The following CHIA variants were observed in gnomAD, a reference collection of about 807,000 sequenced individuals.
CHIA encodes acidic mammalian chitinase.
In CHIA, 47 loss-of-function variants were observed where a neutral mutation model predicts 53.5. The ratio of observed to expected loss-of-function variants is 0.88; its 90% CI spans 0.70 to 1.12. The LOEUF is 1.12. Among genes scored for constraint, CHIA ranks in the 50% most tolerant of loss-of-function variants. The pLI is 0.00. For synonymous variants in CHIA, 268 were observed against 222.2 expected, an observed-to-expected ratio of 1.21 and a Z score of -1.83; for missense variants, 652 against 592.2, an observed-to-expected ratio of 1.10 and a Z score of -1.05.
intron 5 of CHIA, chr1:111,314,999 G>T: frequency 4.6e-6 from 2 of 435,998 alleles, no homozygotes; most frequent in East Asian, 4.0e-5. Context: ...AGGGAACACA[G>T]TGTGCTGGGT....
At chr1:111,292,747 C>T (rs534331445) in intron 1 of CHIA, among the ~76,000 whole-genome samples, 1 of 152,192 alleles carries the variant, frequency 6.6e-6, no homozygotes, top group Admixed American at 6.5e-5. Flanking sequence ...GTCCCCATTT[C>T]CCCCTCCCCC....
chr1:111,305,798 T>C (rs1052423704), intron 1 of CHIA, among the ~76,000 whole-genome samples: 1 of 152,156 alleles, frequency 6.6e-6, no homozygotes, highest in African/African-American at 2.4e-5. Flanking sequence ...CTAAGCATAT[T>C]GGAAAAGAAG....
intron 1 of CHIA, among the ~76,000 whole-genome samples, chr1:111,309,053 G>A (rs1648454399): frequency 6.6e-6 from 1 of 152,132 alleles, no homozygotes; most frequent in South Asian, 2.1e-4. Context: ...AAAGCATCAG[G>A]AAAAATAGCT....
chr1:111,298,206 A>T (rs1647368058), intron 1 of CHIA, among the ~76,000 whole-genome samples: 1 of 152,222 alleles, frequency 6.6e-6, no homozygotes, highest in East Asian at 1.9e-4. Flanking sequence ...GTTAACAAGG[A>T]TATCCAGGAC....
At chr1:111,299,403 C>T (rs1351777130) in intron 1 of CHIA, among the ~76,000 whole-genome samples, 2 of 152,212 alleles carry the variant, frequency 1.3e-5, no homozygotes, top group Non-Finnish European at 2.9e-5. Context: ...ATCAAGTTGG[C>T]TTCATCCCTG....
At chr1:111,295,617 AGG>A (rs1661289206) in intron 1 of CHIA, among the ~76,000 whole-genome samples, 2 of 123,600 alleles carry the variant, frequency 1.6e-5, no homozygotes, top group Admixed American at 1.7e-4. Context: ...TTTTCAGCTG[AGG>A]TACCGGGTTC....
chr1:111,315,669 T>A (rs2786155), intron 6 of CHIA: 1 of 569,870 alleles, frequency 1.8e-6, no homozygotes, highest in Non-Finnish European at 3.2e-6. Context: ...GAACCATAAC[T>A]CATTTCATCT....
At chr1:111,314,987 G>T in intron 5 of CHIA, 1 of 428,922 alleles carries the variant, frequency 2.3e-6, no homozygotes, top group Admixed American at 3.9e-5. Context: ...ACATGTTTGG[G>T]GAGGGAACAC....
intron 2 of CHIA, among the ~76,000 whole-genome samples, chr1:111,310,787 T>C (rs1648602345): frequency 1.3e-5 from 2 of 152,228 alleles, no homozygotes; most frequent in South Asian, 4.1e-4. Context: ...TGTTCAGCCA[T>C]TCATTTTTCT....
chr1:111,293,175 G>T (rs887322619), intron 1 of CHIA, among the ~76,000 whole-genome samples: 1 of 152,098 alleles, frequency 6.6e-6, no homozygotes, highest in South Asian at 2.1e-4. Context: ...TTCCATAGCA[G>T]CTGTACCGTT....
At chr1:111,302,509 CTAT>C (rs1322191716) in intron 1 of CHIA, among the ~76,000 whole-genome samples, 1 of 152,104 alleles carries the variant, frequency 6.6e-6, no homozygotes, top group Non-Finnish European at 1.5e-5. Flanking sequence ...CTTCTTTAAT[CTAT>C]TATTAAGAGT....
intron 1 of CHIA, among the ~76,000 whole-genome samples, chr1:111,305,464 C>A (rs905256358): frequency 2.0e-5 from 3 of 152,054 alleles, no homozygotes; most frequent in East Asian, 3.9e-4. Context: ...TCCTTTTTTG[C>A]CCACCCTGGC....
At chr1:111,312,470 C>A in intron 4 of CHIA, 79 bp downstream of exon 4, 1 of 1,182,684 alleles carries the variant, frequency 8.5e-7, no homozygotes. Flanking sequence ...AAATGTAGTT[C>A]AGATCCATGG....
At chr1:111,294,402 C>T (rs1387098476) in intron 1 of CHIA, among the ~76,000 whole-genome samples, 1 of 151,862 alleles carries the variant, frequency 6.6e-6, no homozygotes, top group South Asian at 2.1e-4. Context: ...TTTGTGTTGA[C>T]TTTGTAACCT....
intron 1 of CHIA, among the ~76,000 whole-genome samples, chr1:111,293,094 T>C (rs1166735599): frequency 6.6e-6 from 1 of 152,156 alleles, no homozygotes; most frequent in Non-Finnish European, 1.5e-5. Flanking sequence ...ATTTTGGGTA[T>C]ACCTAGAAGC....
At chr1:111,291,768 A>C (rs1661034353) in intron 1 of CHIA, among the ~76,000 whole-genome samples, 1 of 151,742 alleles carries the variant, frequency 6.6e-6, no homozygotes, top group African/African-American at 2.4e-5. Flanking sequence ...ATATTTTAAA[A>C]ATAATTGTAA....
At chr1:111,298,452 G>T (rs1647399190) in intron 1 of CHIA, among the ~76,000 whole-genome samples, 2 of 152,134 alleles carry the variant, frequency 1.3e-5, no homozygotes, top group Non-Finnish European at 2.9e-5. Flanking sequence ...ACTCAAAACC[G>T]CACCACTACA....
chr1:111,300,924 A>G (rs1179419045), intron 1 of CHIA, among the ~76,000 whole-genome samples: 2 of 152,248 alleles, frequency 1.3e-5, no homozygotes, highest in Non-Finnish European at 2.9e-5. Flanking sequence ...GGCAAAGGAT[A>G]TGAACAGACA....
intron 1 of CHIA, among the ~76,000 whole-genome samples, chr1:111,305,345 T>TG (rs34192765): frequency 4.6e-5 from 7 of 152,014 alleles, no homozygotes; most frequent in African/African-American, 1.4e-4. Flanking sequence ...CTTGCAACAA[T>TG]GGGGGGAGGT....
Sources: allele counts gnomAD v4.1 joint callset (sites outside exome capture counted in the v4.1 genomes callset), GRCh38; gene constraint gnomAD v4.1.1; transcripts MANE v1.5; gene names NCBI Gene and HGNC (gene_info 2026-07-23, HGNC 2026-07-21).